The following CNTNAP2 variants were observed in gnomAD, a reference collection of about 807,000 sequenced individuals.
The protein encoded by CNTNAP2 is contactin associated protein 2, also known as contactin-associated protein-like 2.
A neutral mutation model predicts 155.2 loss-of-function variants in CNTNAP2; 98 were observed. The observed-to-expected ratio is 0.63, with a 90% confidence interval of 0.54 to 0.75. The LOEUF is 0.75. Ranked by LOEUF, CNTNAP2 falls within the 30% of genes least tolerant of loss-of-function variation. The pLI is 0.00. For missense variants in CNTNAP2, 1,727 were observed against 1,688.1 expected (o/e 1.02, Z -0.40); for synonymous variants, 651 against 631.2 (o/e 1.03, Z -0.47).
intron 1 of CNTNAP2, among the ~76,000 whole-genome samples, chr7:146,215,226 A>G (rs531789550): frequency 6.6e-6 from 1 of 152,222 alleles, no homozygotes; most frequent in Non-Finnish European, 1.5e-5. Context: ...TCCAATGGCC[A>G]ACTGATTTGG....
rs534889320 is a variant in CNTNAP2, at chr7:147,347,517, G to A, written c.1498+47227G>A. On this transcript the variant is annotated intron_variant, in intron 9 of 23. Transcript: ENST00000361727. ...GCATATATATGTGTGTGTGTGTGTA[G>A]CGTTTATTCCAATTTGTCAAAGTAT... Among the ~76,000 whole-genome samples, 129 of 118,784 alleles carry A rather than the reference G, an allele frequency of 1.1e-3. No homozygotes were observed. In the Middle Eastern group the frequency reaches 0.015, roughly 14 times the overall value. The allele number at this position is 118,784 out of a possible 152,430, so 77.9% of individuals were successfully genotyped here. A position where few individuals can be genotyped will look rare whatever the true frequency, so the allele number is the denominator to read the frequency against.
At chr7:147,153,407 A>G (rs1479685949) in intron 8 of CNTNAP2, among the ~76,000 whole-genome samples, 1 of 152,100 alleles carries the variant, frequency 6.6e-6, no homozygotes, top group Admixed American at 6.6e-5. Context: ...AATAAGAGGG[A>G]TTTGGAGTGT....
chr7:148,158,395 G>A, intron 17 of CNTNAP2, among the ~76,000 whole-genome samples: 1 of 151,838 alleles, frequency 6.6e-6, no homozygotes, highest in South Asian at 2.1e-4. Flanking sequence ...GCTAATTTTT[G>A]TATTTTTAGT....
chr7:146,298,323 C>A (rs10233688), intron 1 of CNTNAP2, among the ~76,000 whole-genome samples: 1 of 151,942 alleles, frequency 6.6e-6, no homozygotes, highest in Non-Finnish European at 1.5e-5. Context: ...GGTTTTCCTG[C>A]AGAAGGCTAC....
chr7:147,981,819 T>TGTGTGTGTGTGTGG (rs1404450002), intron 15 of CNTNAP2, among the ~76,000 whole-genome samples: 1 of 113,678 alleles, frequency 8.8e-6, no homozygotes, highest in Non-Finnish European at 2.0e-5. Flanking sequence ...GTGTGTGTGG[T>TGTGTGTGTGTGTGG]TTTTTTTTTC....
intron 12 of CNTNAP2, among the ~76,000 whole-genome samples, chr7:147,575,371 GGT>G (rs149655952): frequency 0.3 from 28,819 of 94,798 alleles, 3,814 homozygotes; most frequent in East Asian, 0.47. Context: ...TAGCTTTAGG[GGT>G]GTGTGTGTGT....
chr7:146,756,411 C>T (rs1016504392), intron 1 of CNTNAP2, among the ~76,000 whole-genome samples: 1 of 151,966 alleles, frequency 6.6e-6, no homozygotes, highest in Non-Finnish European at 1.5e-5. Flanking sequence ...ATTAGTTGTA[C>T]TACTATAAGT....
chr7:148,071,596 A>T (rs1563189171), intron 15 of CNTNAP2, among the ~76,000 whole-genome samples: 1 of 152,226 alleles, frequency 6.6e-6, no homozygotes, highest in Non-Finnish European at 1.5e-5. Context: ...TACTTTTTAG[A>T]GTAATGGAAT....
At chr7:146,457,206 G>A (rs564756351) in intron 1 of CNTNAP2, among the ~76,000 whole-genome samples, 9 of 150,086 alleles carry the variant, frequency 6.0e-5, no homozygotes, top group South Asian at 2.1e-4. Context: ...AGTCACAGAC[G>A]TATTTTTAGA....
At chr7:146,824,675 T>A (rs566822705) in intron 2 of CNTNAP2, among the ~76,000 whole-genome samples, 2 of 151,960 alleles carry the variant, frequency 1.3e-5, no homozygotes, top group Admixed American at 6.6e-5. Context: ...AAAAATATCT[T>A]ATAACTAGGT....
intron 21 of CNTNAP2, among the ~76,000 whole-genome samples, chr7:148,344,038 A>G (rs977105916): frequency 7.2e-5 from 11 of 152,312 alleles, no homozygotes; most frequent in African/African-American, 2.4e-4. Context: ...TGATACCCCT[A>G]GGAGTGCCTT....
chr7:146,508,057 C>T (rs1437315513), intron 1 of CNTNAP2, among the ~76,000 whole-genome samples: 3 of 152,172 alleles, frequency 2.0e-5, no homozygotes, highest in South Asian at 2.1e-4. Flanking sequence ...ATTTAGTTCT[C>T]GAACATCCAC....
chr7:147,085,457 C>T (rs1800255843), intron 4 of CNTNAP2, among the ~76,000 whole-genome samples: 1 of 152,118 alleles, frequency 6.6e-6, no homozygotes, highest in Non-Finnish European at 1.5e-5. Flanking sequence ...CTAGGATGAA[C>T]ACTCATGAGA....
chr7:147,407,295 C>T (rs992654326), intron 10 of CNTNAP2, among the ~76,000 whole-genome samples: 3 of 151,646 alleles, frequency 2.0e-5, no homozygotes, highest in East Asian at 2.0e-4. Context: ...GGTGAAACCC[C>T]GTCTCTCCTA....
intron 1 of CNTNAP2, among the ~76,000 whole-genome samples, chr7:146,350,366 A>T (rs1476851568): frequency 6.6e-6 from 1 of 152,166 alleles, no homozygotes; most frequent in African/African-American, 2.4e-5. Flanking sequence ...AAAGTGGGCG[A>T]AGGATATGAA....
chr7:147,524,852 A>G (rs1298737519), intron 11 of CNTNAP2, among the ~76,000 whole-genome samples: 3 of 152,332 alleles, frequency 2.0e-5, no homozygotes, highest in Non-Finnish European at 2.9e-5. Context: ...CAATGACACC[A>G]GGACCAGTAG....
At chr7:147,779,522 G>T (rs566391495) in intron 13 of CNTNAP2, among the ~76,000 whole-genome samples, 2 of 152,196 alleles carry the variant, frequency 1.3e-5, no homozygotes, top group African/African-American at 4.8e-5. Flanking sequence ...TTGTCAGATG[G>T]TTTATAGTTT....
At chr7:146,329,961 T>C (rs924035624) in intron 1 of CNTNAP2, among the ~76,000 whole-genome samples, 7 of 151,586 alleles carry the variant, frequency 4.6e-5, no homozygotes, top group Non-Finnish European at 8.8e-5. Context: ...TTCATTATGC[T>C]GAAATATTTT....
At chr7:147,335,001 T>A (rs1332637449) in intron 9 of CNTNAP2, among the ~76,000 whole-genome samples, 1 of 152,150 alleles carries the variant, frequency 6.6e-6, no homozygotes. Flanking sequence ...ATTCTGCAGA[T>A]GAGGAAATTG....
Sources: gnomAD v4.1 joint callset for allele counts (sites outside exome capture counted in the v4.1 genomes callset) on GRCh38, gnomAD v4.1.1 for gene constraint, MANE v1.5 for transcripts, NCBI Gene and HGNC (gene_info 2026-07-23, HGNC 2026-07-21) for gene names.